The following SYT1 variants were observed in gnomAD, a reference collection of about 807,000 sequenced individuals.
SYT1 encodes synaptotagmin-1.
In SYT1, 8 loss-of-function variants were observed where a neutral mutation model predicts 44.8. That is an observed-to-expected ratio of 0.18 (90% CI 0.10 to 0.32). The LOEUF (loss-of-function observed/expected upper bound fraction) is 0.32. SYT1 is among the 10% of genes least tolerant of loss of function. The pLI, the probability that SYT1 is intolerant of heterozygous loss-of-function variation, is 1.00. For synonymous variants in SYT1, 154 were observed against 188.8 expected (o/e 0.82, Z 1.51); for missense variants, 286 against 509.3 (o/e 0.56, Z 4.22).
At chr12:79,426,172 C>T (rs1869437918) in intron 9 of SYT1, among the ~76,000 whole-genome samples, 1 of 152,014 alleles carries the variant, frequency 6.6e-6, no homozygotes, top group South Asian at 2.1e-4. Flanking sequence ...AGAACTCTGA[C>T]TCTGCCCAAC....
intron 1 of SYT1, among the ~76,000 whole-genome samples, chr12:78,880,873 A>AT (rs1874416174): frequency 6.6e-6 from 1 of 151,594 alleles, no homozygotes; most frequent in African/African-American, 2.4e-5. Flanking sequence ...CAGCTTAGCT[A>AT]TTTTCTGTCA....
At chr12:79,172,387 C>T (rs1871581370) in intron 3 of SYT1, among the ~76,000 whole-genome samples, 1 of 151,998 alleles carries the variant, frequency 6.6e-6, no homozygotes, top group East Asian at 1.9e-4. Context: ...TACTGGGACA[C>T]AGAGTAAAAT....
intron 1 of SYT1, among the ~76,000 whole-genome samples, chr12:78,974,623 A>G (rs1868677510): frequency 6.6e-6 from 1 of 151,850 alleles, no homozygotes; most frequent in Admixed American, 6.6e-5. Flanking sequence ...TTTTTAGTAG[A>G]GACGGGGTTT....
At chr12:79,222,447 T>G (rs1373645404) in intron 4 of SYT1, among the ~76,000 whole-genome samples, 1 of 151,928 alleles carries the variant, frequency 6.6e-6, no homozygotes, top group Non-Finnish European at 1.5e-5. Flanking sequence ...AGTGGCACGA[T>G]CTTGCCTCAC....
At chr12:79,261,897 T>C (rs184416339) in intron 4 of SYT1, among the ~76,000 whole-genome samples, 176 of 152,326 alleles carry the variant, frequency 1.2e-3, no homozygotes, top group Admixed American at 2.7e-3. Flanking sequence ...AAGTAATATG[T>C]AACATTATAA....
At chr12:79,256,641 A>G (rs1877533340) in intron 4 of SYT1, among the ~76,000 whole-genome samples, 1 of 151,622 alleles carries the variant, frequency 6.6e-6, no homozygotes, top group South Asian at 2.1e-4. Context: ...ACTCAAAACC[A>G]TTTTTTGATG....
At chr12:79,445,011 A>G (rs1306059187) in intron 10 of SYT1, among the ~76,000 whole-genome samples, 1 of 152,138 alleles carries the variant, frequency 6.6e-6, no homozygotes. Context: ...ATAAAGCAAC[A>G]CTATTTTTAC....
At chr12:79,337,960 A>G (rs1281148196) in intron 8 of SYT1, among the ~76,000 whole-genome samples, 1 of 152,228 alleles carries the variant, frequency 6.6e-6, no homozygotes, top group Non-Finnish European at 1.5e-5. Flanking sequence ...TAGAATGTTT[A>G]AAATTGGATT....
intron 3 of SYT1, among the ~76,000 whole-genome samples, chr12:79,145,930 T>G (rs532525284): frequency 1.1e-3 from 164 of 151,964 alleles, no homozygotes; most frequent in Non-Finnish European, 1.4e-3. Flanking sequence ...GCTAATTTTT[T>G]GTATTTTTAG....
At chr12:78,907,083 T>G (rs1375215607) in intron 1 of SYT1, among the ~76,000 whole-genome samples, 2 of 152,078 alleles carry the variant, frequency 1.3e-5, no homozygotes, top group Admixed American at 6.6e-5. Context: ...GAGGTCCTCC[T>G]CTTGTTTGGG....
At chr12:79,005,517 T>C (rs553739284) in intron 2 of SYT1, among the ~76,000 whole-genome samples, 1 of 152,154 alleles carries the variant, frequency 6.6e-6, no homozygotes, top group South Asian at 2.1e-4. Flanking sequence ...AATCATGTAT[T>C]AAATTAGATA....
At chr12:79,053,576 A>C (rs1258970200) in intron 3 of SYT1, among the ~76,000 whole-genome samples, 1 of 149,114 alleles carries the variant, frequency 6.7e-6, no homozygotes, top group African/African-American at 2.4e-5. Context: ...ATGCATATTA[A>C]CTTTAATTAA....
At chr12:78,914,103 T>C (rs1398363237) in intron 1 of SYT1, among the ~76,000 whole-genome samples, 1 of 61,160 alleles carries the variant, frequency 1.6e-5, no homozygotes, top group Non-Finnish European at 3.3e-5. Context: ...ATATTAATGT[T>C]CAATTAATTA....
chr12:78,985,191 T>G (rs1018896077), intron 2 of SYT1, among the ~76,000 whole-genome samples: 13 of 151,920 alleles, frequency 8.6e-5, no homozygotes, highest in Non-Finnish European at 1.9e-4. Context: ...CATAATACAG[T>G]TCTGTTTAAC....
At chr12:79,408,701 GACC>G (rs1868318365) in intron 9 of SYT1, among the ~76,000 whole-genome samples, 1 of 150,916 alleles carries the variant, frequency 6.6e-6, no homozygotes, top group Admixed American at 6.6e-5. Context: ...AAATTTCCTA[GACC>G]ACATTTTTTT....
At chr12:78,958,076 T>G (rs1203679315) in intron 1 of SYT1, among the ~76,000 whole-genome samples, 2 of 152,150 alleles carry the variant, frequency 1.3e-5, no homozygotes, top group Non-Finnish European at 2.9e-5. Context: ...CATTTTTGAG[T>G]GTACTTTTCA....
intron 3 of SYT1, among the ~76,000 whole-genome samples, chr12:79,087,522 T>C (rs75260481): frequency 0.012 from 1,896 of 152,228 alleles, 16 homozygotes; most frequent in Non-Finnish European, 0.018. Flanking sequence ...TGACTTGTAA[T>C]TGAGTGATGA....
chr12:79,342,474 G>A (rs79948521), intron 8 of SYT1, among the ~76,000 whole-genome samples: 122 of 152,236 alleles, frequency 8.0e-4, no homozygotes, highest in East Asian at 7.7e-3. Context: ...CAAGCTATTC[G>A]CCCTCCTTGG....
chr12:79,246,266 C>T (rs1222013088), intron 4 of SYT1, among the ~76,000 whole-genome samples: 1 of 152,084 alleles, frequency 6.6e-6, no homozygotes, highest in Non-Finnish European at 1.5e-5. Context: ...CTTATTTTCG[C>T]CTCTACTCTT....
Sources: gnomAD v4.1 joint callset for allele counts (sites outside exome capture counted in the v4.1 genomes callset) on GRCh38, gnomAD v4.1.1 for gene constraint, MANE v1.5 for transcripts, NCBI Gene and HGNC (gene_info 2026-07-23, HGNC 2026-07-21) for gene names.